The following PNOC variants were observed in gnomAD, a reference collection of about 807,000 sequenced individuals.
PNOC encodes prepronociceptin.
A neutral mutation model predicts 15.6 loss-of-function variants in PNOC; 10 were observed. The ratio of observed to expected loss-of-function variants is 0.64; its 90% CI spans 0.40 to 1.09. PNOC has a LOEUF of 1.09. Ranked by LOEUF, PNOC falls within the 50% of genes least tolerant of loss-of-function variation. PNOC has a pLI of 0.01. For missense variants in PNOC, 220 were observed against 223.9 expected (o/e 0.98, Z 0.11); for synonymous variants, 98 against 88.5 (o/e 1.11, Z -0.60).
At chr8:28,321,660 AG>A (rs1472316175) in intron 1 of PNOC, among the ~76,000 whole-genome samples, 2 of 152,244 alleles carry the variant, frequency 1.3e-5, no homozygotes, top group Non-Finnish European at 2.9e-5. Flanking sequence ...GGAAAAGCTG[AG>A]GCCCAGAGAG....
rs183532540 is a variant in PNOC, at chr8:28,340,807, C to T, written c.*47+1316C>T. 1.5e-4 allele frequency among the ~76,000 whole-genome samples: 23 copies of T among 152,220 alleles called. No individual in the cohort carries two copies. The East Asian group carries it at 4.1e-3, about 27-fold the overall frequency. ...GGCAAGAGGGGGAAAAGGGGAGGTC[C>T]CAGCCTCTTTAACAACCAGATCTCC... On this transcript the variant is annotated intron_variant, in intron 3 of 3. Coordinates refer to ENST00000301908, the MANE Select transcript of PNOC (RefSeq NM_006228.5).
intron 1 of PNOC, among the ~76,000 whole-genome samples, chr8:28,319,982 G>A (rs1157070355): frequency 6.6e-6 from 1 of 151,818 alleles, no homozygotes; most frequent in Non-Finnish European, 1.5e-5. Context: ...TCGATTTCAG[G>A]GGCAAGCCAG....
intron 1 of PNOC, among the ~76,000 whole-genome samples, chr8:28,317,768 C>T (rs1047812332): frequency 6.6e-6 from 1 of 152,108 alleles, no homozygotes; most frequent in East Asian, 1.9e-4. Flanking sequence ...CTCTCAGATG[C>T]GGTGCGCAGG....
At chr8:28,332,932 C>A (rs1044436495) in intron 2 of PNOC, among the ~76,000 whole-genome samples, 2 of 152,162 alleles carry the variant, frequency 1.3e-5, no homozygotes, top group Non-Finnish European at 2.9e-5. Flanking sequence ...GCCTGGGGGA[C>A]AAAGTAAGAC....
intron 2 of PNOC, among the ~76,000 whole-genome samples, chr8:28,335,451 A>G (rs1485313158): frequency 6.6e-6 from 1 of 152,266 alleles, no homozygotes; most frequent in Non-Finnish European, 1.5e-5. Flanking sequence ...TTGTAAAATT[A>G]AGTTTTTAAT....
In PNOC at chr8:28,327,570, CT is replaced by C. The variant is rs34916912; in HGVS notation, c.-23-1551del. 1.2e-3 allele frequency among the ~76,000 whole-genome samples: 167 copies of C among 142,942 alleles called. 2 individuals are homozygous for C. The highest frequency in any genetic ancestry group is 1.5e-3 in the Admixed American group (21 of 14,312). 93.8% of individuals were successfully genotyped at this position (142,942 alleles called of 152,430 possible). Reference sequence around the variant, plus strand: ...CTTATAAACAACATAAAATTCTTTTCTTTTTTTTTTTTTTGAGATGGAGTCT... The same window carrying C: ...CTTATAAACAACATAAAATTCTTTTCTTTTTTTTTTTTTGAGATGGAGTCT... On this transcript the variant is annotated intron_variant, in intron 1 of 3. Transcript: ENST00000301908.
chr8:28,335,636 T>C, intron 2 of PNOC, among the ~76,000 whole-genome samples: 1 of 152,160 alleles, frequency 6.6e-6, no homozygotes, highest in South Asian at 2.1e-4. Context: ...GAAGCGATTC[T>C]CCTGCCTCAG....
intron 1 of PNOC, among the ~76,000 whole-genome samples, chr8:28,319,566 C>G (rs1276333877): frequency 6.6e-6 from 1 of 152,180 alleles, no homozygotes; most frequent in Non-Finnish European, 1.5e-5. Context: ...CTGTGCCAGG[C>G]AGTGAGCTAA....
chr8:28,334,619 C>G (rs540607729), intron 2 of PNOC, among the ~76,000 whole-genome samples: 1 of 152,256 alleles, frequency 6.6e-6, no homozygotes, highest in South Asian at 2.1e-4. Flanking sequence ...CTCAGCCTCC[C>G]AAGTAGCTAG....
At position 28,339,235 on chromosome 8, in the gene PNOC, C is replaced by A. The variant is rs141682214; in HGVS notation, c.322C>A (p.Gln108Lys). The A allele has an allele frequency of 6.3e-5, 101 of 1,610,952 alleles. No individual in the cohort carries two copies. The African/African-American group carries it at 1.1e-3, about 17-fold the overall frequency. The change falls in exon 3 of 4, where the codon CAG (glutamine) becomes AAG (lysine). Residue 108 changes from glutamine (Q) to lysine (K), a missense_variant. Coordinates refer to ENST00000301908, the MANE Select transcript of PNOC (RefSeq NM_006228.5). ...MPRVRSLFQE[Q>K]EEPEPGMEEA... ...CCGAGTCCGGAGCTTGTTCCAGGAG[C>A]AGGAAGAGCCCGAGCCTGGCATGGA... is the stretch of plus-strand genomic sequence containing the variant.
rs869258665 is a variant in PNOC at position 28,330,400 on chromosome 8, T to TTTTTTTTTTTTTTTTTTA, written c.126+1129_126+1130insTTTTTATTTTTTTTTTTT. On this transcript the variant is annotated intron_variant, in intron 2 of 3. Coordinates refer to ENST00000301908, the MANE Select transcript of PNOC (RefSeq NM_006228.5). Reference sequence around the variant, plus strand: ...TATTTTATTTTATTTTATTTTATTTTTTTTTTTTTTTTGAGACGGAGTCTT... The same window carrying TTTTTTTTTTTTTTTTTTA: ...TATTTTATTTTATTTTATTTTATTTTTTTTTTTTTTTTTTTTTATTTTTTTTTTTTGAGACGGAGTCTT... Among the ~76,000 whole-genome samples, 184 of 102,216 alleles carry TTTTTTTTTTTTTTTTTTA rather than the reference T, an allele frequency of 1.8e-3. 1 individual carries two copies. The highest frequency in any genetic ancestry group is 3.0e-3 in the Non-Finnish European group (148 of 49,032). The allele number at this position is 102,216 out of a possible 152,430, so 67.1% of individuals were successfully genotyped here.
At chr8:28,333,586 T>G (rs1437480824) in intron 2 of PNOC, among the ~76,000 whole-genome samples, 7 of 152,230 alleles carry the variant, frequency 4.6e-5, no homozygotes, top group Admixed American at 1.3e-4. Flanking sequence ...TGAGATGATT[T>G]TGTTAGCATC....
rs1431540071 is a variant in PNOC at position 28,330,400 on chromosome 8, T to TATTTTATTTTTTTTTTTTA, written c.126+1117_126+1118insATTTTATTTTTTTTTTTTA. 4.0e-3 allele frequency among the ~76,000 whole-genome samples: 407 copies of TATTTTATTTTTTTTTTTTA among 102,240 alleles called. 2 individuals are homozygous for TATTTTATTTTTTTTTTTTA. The highest frequency in any genetic ancestry group is 7.9e-3 in the South Asian group (25 of 3,156). 67.1% of individuals were successfully genotyped at this position (102,240 alleles called of 152,430 possible). ...TATTTTATTTTATTTTATTTTATTT[T>TATTTTATTTTTTTTTTTTA]TTTTTTTTTTTTGAGACGGAGTCTT... On this transcript the variant is annotated intron_variant, in intron 2 of 3. Transcript: ENST00000301908.
At chr8:28,325,609 G>A (rs1013291533) in intron 1 of PNOC, among the ~76,000 whole-genome samples, 8 of 141,202 alleles carry the variant, frequency 5.7e-5, no homozygotes, top group Admixed American at 2.3e-4. Flanking sequence ...TCGAGATCGC[G>A]CCACTGCACT....
intron 2 of PNOC, among the ~76,000 whole-genome samples, chr8:28,333,325 T>G (rs1200479894): frequency 1.3e-5 from 2 of 152,198 alleles, no homozygotes; most frequent in African/African-American, 4.8e-5. Flanking sequence ...GCTTTACAGA[T>G]GAATTTGGCA....
chr8:28,325,385 G>A (rs1801208204), intron 1 of PNOC, among the ~76,000 whole-genome samples: 1 of 152,140 alleles, frequency 6.6e-6, no homozygotes, highest in Non-Finnish European at 1.5e-5. Context: ...CAGGCACAGT[G>A]GCTCATGTCT....
At chr8:28,324,527 C>T (rs1251500270) in intron 1 of PNOC, among the ~76,000 whole-genome samples, 1 of 152,138 alleles carries the variant, frequency 6.6e-6, no homozygotes, top group Non-Finnish European at 1.5e-5. Context: ...CTGTTTGGAA[C>T]AAATTCTACA....
At chr8:28,339,700 C>G (rs1444852341) in intron 3 of PNOC, 1 of 391,756 alleles carries the variant, frequency 2.6e-6, no homozygotes, top group African/African-American at 2.0e-5. Flanking sequence ...CGGCTAGAGA[C>G]TGGTTACCAT....
In PNOC at chr8:28,329,237, C is replaced by T. The variant is rs187303222; in HGVS notation, c.80C>T (p.Thr27Ile). ...VFSSCQRDCL[T>I]CQEKLHPALD... ...AGCAGTTGTCAGAGGGACTGTCTCA[C>T]ATGCCAGGAGAAGCTCCACCCAGCC... Residue 27 changes from threonine (T) to isoleucine (I), a missense_variant, in exon 2 of 4, where the codon ACA (threonine) becomes ATA (isoleucine). By Grantham distance (89) the Thr-to-Ile change is moderately conservative (BLOSUM62 -1). Transcript: ENST00000301908. 1.7e-5 allele frequency: 27 copies of T among 1,614,054 alleles called. No individual in the cohort carries two copies. Among genetic ancestry groups the T allele is most frequent in the Middle Eastern group, 1.6e-4 (1 of 6,062 alleles).
Sources: allele counts gnomAD v4.1 joint callset (sites outside exome capture counted in the v4.1 genomes callset), GRCh38; gene constraint gnomAD v4.1.1; transcripts MANE v1.5; gene names NCBI Gene and HGNC (gene_info 2026-07-23, HGNC 2026-07-21).